The following CACNA1D variants were observed in gnomAD, a reference collection of about 807,000 sequenced individuals.
The protein encoded by CACNA1D is voltage-dependent L-type calcium channel subunit alpha-1D.
Under a neutral mutation model 257.1 loss-of-function variants are expected in CACNA1D, and 55 were observed. The observed-to-expected ratio is 0.21, with a 90% CI of 0.17 to 0.27. The LOEUF (loss-of-function observed/expected upper bound fraction) is 0.27. CACNA1D is among the 10% of genes least tolerant of loss of function. CACNA1D has a pLI of 1.00. For missense variants in CACNA1D, 1,876 were observed against 2,784.0 expected, an observed-to-expected ratio of 0.67 and a Z score of 7.34; for synonymous variants, 980 against 1,014.9, an observed-to-expected ratio of 0.97 and a Z score of 0.65.
intron 1 of CACNA1D, 24 bp from the exon 2 acceptor site, chr3:53,497,127 TC>T (rs1559750114): frequency 1.2e-6 from 2 of 1,600,884 alleles, no homozygotes; most frequent in Non-Finnish European, 1.7e-6. Flanking sequence ...AAAAAAAAAA[TC>T]TTTGTTTTTC....
In CACNA1D at chr3:53,751,043, A is replaced by G. The variant is rs961270341; in HGVS notation, c.3517-706A>G. 4.6e-5 allele frequency among the ~76,000 whole-genome samples: 7 copies of G among 152,202 alleles called. No individual in the cohort carries two copies. Among genetic ancestry groups the G allele is most frequent in the Non-Finnish European group, 1.0e-4 (7 of 68,024 alleles). On this transcript the variant is annotated intron_variant, in intron 27 of 47. Coordinates refer to ENST00000350061, the MANE Select transcript of CACNA1D (RefSeq NM_001128840.3). The surrounding 1 kb of genome is among the most constrained non-coding windows in gnomAD (Gnocchi z 4.3). ...AATCCAGCTGTCGCTACAGTGCTCCAGCTGGGCCCCAACCTGTGTTCAATC... is the reference window on the plus strand; with the variant it reads ...AATCCAGCTGTCGCTACAGTGCTCCGGCTGGGCCCCAACCTGTGTTCAATC...
intron 12 of CACNA1D, among the ~76,000 whole-genome samples, chr3:53,722,807 C>T (rs1203518633): frequency 6.6e-6 from 1 of 152,178 alleles, no homozygotes. Flanking sequence ...TATAGTACTT[C>T]TGGCAAATGG....
At chr3:53,671,920 A>G (rs1346199231) in intron 7 of CACNA1D, among the ~76,000 whole-genome samples, 1 of 152,210 alleles carries the variant, frequency 6.6e-6, no homozygotes, top group Non-Finnish European at 1.5e-5. Context: ...TGCAGTTCTC[A>G]TTGGCTGAAA....
At chr3:53,810,407 G>A (rs2095590957) in intron 47 of CACNA1D, 109 bp downstream of exon 47, 2 of 1,083,292 alleles carry the variant, frequency 1.8e-6, no homozygotes, top group South Asian at 1.3e-5. Flanking sequence ...TGTGAGCTAG[G>A]CTGCCTCAAT....
At chr3:53,586,446 T>A (rs922630853) in intron 3 of CACNA1D, among the ~76,000 whole-genome samples, 1 of 151,976 alleles carries the variant, frequency 6.6e-6, no homozygotes, top group African/African-American at 2.4e-5. Context: ...ACCTATTTTT[T>A]TTTTTGTGGC....
intron 9 of CACNA1D, among the ~76,000 whole-genome samples, chr3:53,713,502 ATGTGTGTGTGTG>A (rs35655186): frequency 9.3e-5 from 12 of 129,458 alleles, no homozygotes; most frequent in East Asian, 6.3e-4. Context: ...CTCTGTGTGT[ATGTGTGTGTGTG>A]TGTGTGTGTG....
chr3:53,526,868 T>C (rs1399649888), intron 3 of CACNA1D, among the ~76,000 whole-genome samples: 1 of 152,212 alleles, frequency 6.6e-6, no homozygotes, highest in Non-Finnish European at 1.5e-5. Context: ...ATTGTTATTA[T>C]CTCCTAATTT....
intron 8 of CACNA1D, among the ~76,000 whole-genome samples, chr3:53,684,343 C>T (rs1254082319): frequency 3.3e-5 from 5 of 152,108 alleles, no homozygotes; most frequent in South Asian, 4.1e-4. Context: ...GGAGCATGGC[C>T]GGGCACGGTG....
At chr3:53,563,696 T>C (rs1056536552) in intron 3 of CACNA1D, among the ~76,000 whole-genome samples, 1 of 152,230 alleles carries the variant, frequency 6.6e-6, no homozygotes. Flanking sequence ...TTTCCCTCAA[T>C]AATACTTCTT....
intron 39 of CACNA1D, chr3:53,785,914 G>A (rs2095450280): frequency 6.6e-6 from 1 of 152,360 alleles, no homozygotes; most frequent in Non-Finnish European, 1.5e-5. Context: ...GTGGCCCCCA[G>A]GGCCCCACAT....
At chr3:53,660,076 G>GT in intron 4 of CACNA1D, 57 bp from the exon 5 acceptor site, 1 of 1,503,506 alleles carries the variant, frequency 6.7e-7, no homozygotes, top group South Asian at 1.1e-5. Context: ...TTATCATCCT[G>GT]TTTTGCGTCC....
chr3:53,496,441 G>A (rs1349393990), intron 1 of CACNA1D, among the ~76,000 whole-genome samples: 1 of 152,220 alleles, frequency 6.6e-6, no homozygotes, highest in African/African-American at 2.4e-5. Context: ...CTGGATGCTG[G>A]CTTGGCTGAT....
chr3:53,652,168 T>G (rs1330813100), intron 4 of CACNA1D, among the ~76,000 whole-genome samples: 1 of 152,206 alleles, frequency 6.6e-6, no homozygotes, highest in Non-Finnish European at 1.5e-5. Flanking sequence ...GCAGGTATGT[T>G]GGTTCTGGGA....
intron 4 of CACNA1D, among the ~76,000 whole-genome samples, chr3:53,654,634 A>G (rs1488404458): frequency 6.6e-6 from 1 of 152,188 alleles, no homozygotes; most frequent in East Asian, 1.9e-4. Context: ...TACTTTGGCA[A>G]ATAAAGCTTC....
chr3:53,564,666 C>A (rs1445435414), intron 3 of CACNA1D, among the ~76,000 whole-genome samples: 1 of 152,018 alleles, frequency 6.6e-6, no homozygotes, highest in Admixed American at 6.5e-5. Flanking sequence ...TTATGGAGTA[C>A]TTTGTATATC....
intron 3 of CACNA1D, among the ~76,000 whole-genome samples, chr3:53,646,552 C>G (rs138542157): frequency 6.6e-6 from 1 of 152,198 alleles, no homozygotes; most frequent in African/African-American, 2.4e-5. Flanking sequence ...GTTAAAGACA[C>G]AAAGAGAGGG....
At chr3:53,630,331 G>T (rs2093808321) in intron 3 of CACNA1D, among the ~76,000 whole-genome samples, 1 of 152,132 alleles carries the variant, frequency 6.6e-6, no homozygotes, top group African/African-American at 2.4e-5. Flanking sequence ...AATGTCTATG[G>T]TTTTTTCTTT....
At chr3:53,672,982 C>G in intron 7 of CACNA1D, 41 bp from the exon 8 acceptor site, 7 of 1,309,770 alleles carry the variant, frequency 5.3e-6, no homozygotes, top group Non-Finnish European at 7.6e-6. Context: ...ATTAAATCCT[C>G]TTATTAACCC....
intron 28 of CACNA1D, among the ~76,000 whole-genome samples, chr3:53,753,062 G>A (rs2095239686): frequency 6.6e-6 from 1 of 152,226 alleles, no homozygotes; most frequent in African/African-American, 2.4e-5. Flanking sequence ...TGTCTGGACA[G>A]TAGGTCTAAA....
Sources: allele counts gnomAD v4.1 joint callset (sites outside exome capture counted in the v4.1 genomes callset), GRCh38; gene constraint gnomAD v4.1.1; non-coding constraint Gnocchi (gnomAD v3.1); transcripts MANE v1.5; gene names NCBI Gene and HGNC (gene_info 2026-07-23, HGNC 2026-07-21).